EVC2: variants seen among roughly 807,000 people sequenced by gnomAD.
EVC2 encodes limbin.
In EVC2, 148 loss-of-function variants were observed where a neutral mutation model predicts 149.3. The ratio of observed to expected loss-of-function variants is 0.99; its 90% CI spans 0.87 to 1.14. The LOEUF (loss-of-function observed/expected upper bound fraction) is 1.14, where lower values mean the gene tolerates loss of function less well. Among genes scored for constraint, EVC2 ranks in the 50% most tolerant of loss-of-function variants. EVC2 has a pLI of 0.00. For synonymous variants in EVC2, 776 were observed against 649.9 expected, an observed-to-expected ratio of 1.19 and a Z score of -2.95; for missense variants, 1,854 against 1,627.3, an observed-to-expected ratio of 1.14 and a Z score of -2.40.
chr4:5,574,857 A>T, intron 18 of EVC2, 85 bp from the exon 19 acceptor site: 2 of 1,323,198 alleles, frequency 1.5e-6, no homozygotes, highest in South Asian at 2.4e-5. Context: ...ATAACAAAGA[A>T]GCACACATCT....
intron 21 of EVC2, among the ~76,000 whole-genome samples, chr4:5,546,670 C>A (rs1215383209): frequency 6.6e-6 from 1 of 150,958 alleles, no homozygotes; most frequent in African/African-American, 2.4e-5. Flanking sequence ...ACATATGTAA[C>A]AAACCTGCAT....
Position 5,636,316 on chromosome 4 carries a change from G to A in EVC2, c.1470+4198C>T, listed in dbSNP as rs1016147260. On this transcript the variant is annotated intron_variant, in intron 10 of 21. Transcript: ENST00000344408. This position sits in a 1 kb window ranked among gnomAD's most constrained non-coding sequence, Gnocchi z 4.6. The stretch of plus-strand genomic sequence containing the variant: ...TATACGCATTTAAATATTATAGTAT[G>A]AACAAATTTCAGCTCTACATTAATT... Among the ~76,000 whole-genome samples the A allele has an allele frequency of 1.3e-5, 2 of 152,136 alleles. No individual in the cohort carries two copies. Among genetic ancestry groups the A allele is most frequent in the South Asian group, 2.1e-4 (1 of 4,814 alleles).
chr4:5,562,658 T>G lies in EVC2; in HGVS notation c.*190A>C. On this transcript the variant is annotated 3_prime_UTR_variant, in exon 22 of 22. Coordinates refer to ENST00000344408, the MANE Select transcript of EVC2 (RefSeq NM_147127.5). The surrounding 1 kb of genome is among the most constrained non-coding windows in gnomAD (Gnocchi z 4.3). ...TATGTCCTTGTGATATGGAAGAGAG[T>G]GGGCCATCTGGAAATTCATGAGACA... 6.9e-7 allele frequency: 1 copy of G among 1,456,502 alleles called. No individual in the cohort carries two copies. The highest frequency in any genetic ancestry group is 9.0e-7 in the Non-Finnish European group (1 of 1,110,696). The allele number at this position is 1,456,502 out of a possible 1,614,324, so 90.2% of individuals were successfully genotyped here.
At chr4:5,624,690 C>T (rs936318805) in intron 13 of EVC2, among the ~76,000 whole-genome samples, 2 of 152,130 alleles carry the variant, frequency 1.3e-5, no homozygotes, top group African/African-American at 4.8e-5. Context: ...GCCCTGGGCC[C>T]CACTGTTTCC....
chr4:5,561,492 T>G (rs144810258), downstream of EVC2, among the ~76,000 whole-genome samples: 486 of 152,314 alleles, frequency 3.2e-3, 2 homozygotes, highest in African/African-American at 0.011. Context: ...TGCAGTCAAG[T>G]GGCAGCTGAA....
chr4:5,551,545 T>C (rs1381430837), intron 21 of EVC2, among the ~76,000 whole-genome samples: 1 of 152,206 alleles, frequency 6.6e-6, no homozygotes, highest in Non-Finnish European at 1.5e-5. Context: ...TACAGGCTCA[T>C]AGGTGGAAGG....
At chr4:5,588,503 C>G (rs1011473769) in intron 16 of EVC2, among the ~76,000 whole-genome samples, 2 of 152,088 alleles carry the variant, frequency 1.3e-5, no homozygotes, top group South Asian at 2.1e-4. Context: ...TTTCTCTCTC[C>G]TCTTCTCCAG....
rs1720089131 is a variant in EVC2, at chr4:5,677,768, T to A, written c.870+3492A>T. On this transcript the variant is annotated intron_variant, in intron 7 of 21. Transcript: ENST00000344408. This position sits in a 1 kb window ranked among gnomAD's most constrained non-coding sequence, Gnocchi z 4.3. The stretch of plus-strand genomic sequence containing the variant: ...TACCTGTTGAGTGCCACCTACAATG[T>A]ACCGCACAGTGGGGGACACAGGCAA... Among the ~76,000 whole-genome samples the A allele has an allele frequency of 6.6e-6, 1 of 152,210 alleles. No individual in the cohort carries two copies. Among genetic ancestry groups the A allele is most frequent in the South Asian group, 2.1e-4 (1 of 4,834 alleles).
Position 5,681,229 on chromosome 4 carries a change from G to A in EVC2, c.870+31C>T. 5.6e-6 allele frequency: 9 copies of A among 1,613,910 alleles called. No homozygotes were observed. In the Middle Eastern group the frequency reaches 8.2e-4, roughly 148 times the overall value. On this transcript the variant is annotated intron_variant, in intron 7 of 21. Coordinates refer to ENST00000344408, the MANE Select transcript of EVC2 (RefSeq NM_147127.5). ...GACCCACACAGCACAGGTGTGTCCT[G>A]AGGGTGCTCAGGGCATGTCATGTCT...
rs919082218 is a variant in EVC2 at position 5,574,675 on chromosome 4, A to G, written c.3360+10T>C. 1.2e-6 allele frequency: 2 copies of G among 1,613,912 alleles called. No homozygotes were observed. The highest frequency in any genetic ancestry group is 8.5e-7 in the Non-Finnish European group (1 of 1,179,806). ...AGGGGTGGCCTCAGACCCTGCCAGTACCTTCTCACCTGGCTGCACAGGGTT... is the reference window on the plus strand; with the variant it reads ...AGGGGTGGCCTCAGACCCTGCCAGTGCCTTCTCACCTGGCTGCACAGGGTT... On this transcript the variant is annotated intron_variant, in intron 19 of 21. Transcript: ENST00000344408.
chr4:5,576,419 C>T lies in EVC2; in HGVS notation c.3093G>A (p.Gln1031=), dbSNP rs1429408396. ...GCTGGGCTGCCTCCTGCTGCACCAG[C>T]TGGTCCTCCAGCTTCCTCTCCAACT... ...LQELERKLED[Q]LVQQEAAQQQ... is the part of the protein sequence containing the mutation. Residue 1031 remains glutamine (Q), a synonymous_variant, in exon 18 of 22, where the codon CAG becomes CAA. Coordinates refer to ENST00000344408, the MANE Select transcript of EVC2 (RefSeq NM_147127.5). The surrounding 1 kb of genome is among the most constrained non-coding windows in gnomAD (Gnocchi z 4.5). The T allele has an allele frequency of 1.2e-6, 2 of 1,610,852 alleles. No individual in the cohort carries two copies. Among genetic ancestry groups the T allele is most frequent in the Non-Finnish European group, 8.5e-7 (1 of 1,178,464 alleles).
intron 12 of EVC2, among the ~76,000 whole-genome samples, chr4:5,626,959 G>C (rs184548189): frequency 1.0e-3 from 154 of 152,310 alleles, no homozygotes; most frequent in Non-Finnish European, 1.7e-3. Context: ...GCAGGCAGCA[G>C]ACAATGGGAT....
At chr4:5,626,235 G>A (rs1274322573) in intron 12 of EVC2, among the ~76,000 whole-genome samples, 1 of 151,900 alleles carries the variant, frequency 6.6e-6, no homozygotes, top group Non-Finnish European at 1.5e-5. Context: ...GTCAAGAACA[G>A]CACAAACAAA....
intron 16 of EVC2, among the ~76,000 whole-genome samples, chr4:5,586,279 G>T (rs1694138409): frequency 6.6e-6 from 1 of 152,084 alleles, no homozygotes. Flanking sequence ...ATTAGCTATA[G>T]CTCTGTTTTG....
intron 16 of EVC2, among the ~76,000 whole-genome samples, chr4:5,589,687 G>C (rs1712612492): frequency 6.6e-6 from 1 of 152,132 alleles, no homozygotes; most frequent in South Asian, 2.1e-4. Flanking sequence ...TTAGGGATCA[G>C]TTTTGTCTGC....
At chr4:5,705,660 G>A (rs879445090) in intron 1 of EVC2, among the ~76,000 whole-genome samples, 1 of 152,116 alleles carries the variant, frequency 6.6e-6, no homozygotes, top group African/African-American at 2.4e-5. Flanking sequence ...AATGGAAGGA[G>A]CTGGATTCTC....
At chr4:5,682,625 G>A (rs1257881228) in intron 6 of EVC2, among the ~76,000 whole-genome samples, 3 of 150,904 alleles carry the variant, frequency 2.0e-5, no homozygotes, top group South Asian at 2.1e-4. Flanking sequence ...TTGGGAGGCC[G>A]AGGCGGGTGG....
chr4:5,704,684 C>G (rs1722026143), intron 1 of EVC2, among the ~76,000 whole-genome samples: 1 of 152,060 alleles, frequency 6.6e-6, no homozygotes, highest in Non-Finnish European at 1.5e-5. Flanking sequence ...CTTTCCTGAC[C>G]AAGCTCTCAG....
At chr4:5,555,065 A>AGAC (rs59486680) in intron 21 of EVC2, among the ~76,000 whole-genome samples, 59,348 of 151,094 alleles carry the variant, frequency 0.39, 12,407 homozygotes, top group East Asian at 0.86. Flanking sequence ...CATGTGTGTA[A>AGAC]GGAGAGTTGG....
Sources: allele counts gnomAD v4.1 joint callset (sites outside exome capture counted in the v4.1 genomes callset), GRCh38; gene constraint gnomAD v4.1.1; non-coding constraint Gnocchi (gnomAD v3.1); transcripts MANE v1.5; gene names NCBI Gene and HGNC (gene_info 2026-07-23, HGNC 2026-07-21).